RELN: variants seen among roughly 807,000 people sequenced by gnomAD.
RELN encodes the protein reelin.
RELN carries 108 observed loss-of-function variants against 427.6 expected under a neutral mutation model. The observed-to-expected ratio is 0.25, with a 90% confidence interval of 0.22 to 0.30. The LOEUF (loss-of-function observed/expected upper bound fraction) is 0.30. Among genes scored for constraint, RELN ranks in the 10% least tolerant of loss-of-function variants. The probability of loss-of-function intolerance (pLI) is 1.00; values close to 1 mark genes in which losing one functional copy is unlikely to be tolerated. For missense variants in RELN, 3,715 were observed against 4,302.8 expected (o/e 0.86, Z 3.82); for synonymous variants, 1,524 against 1,513.4 (o/e 1.01, Z -0.16).
chr7:103,831,312 G>C (rs1348880245), intron 3 of RELN, among the ~76,000 whole-genome samples: 1 of 152,056 alleles, frequency 6.6e-6, no homozygotes, highest in Non-Finnish European at 1.5e-5. Context: ...TAAGTTAAAG[G>C]TAATGACAAC....
At chr7:103,590,105 G>A (rs887826460) in intron 27 of RELN, among the ~76,000 whole-genome samples, 2 of 152,190 alleles carry the variant, frequency 1.3e-5, no homozygotes, top group South Asian at 4.1e-4. Context: ...TGTGGTTCTT[G>A]AGTCTCAGAC....
intron 17 of RELN, among the ~76,000 whole-genome samples, chr7:103,639,350 T>G (rs895168787): frequency 6.6e-6 from 1 of 152,008 alleles, no homozygotes; most frequent in Non-Finnish European, 1.5e-5. Context: ...CTAATCTCAA[T>G]GTCAACAAGC....
chr7:103,739,684 C>T (rs554350), intron 6 of RELN, among the ~76,000 whole-genome samples: 96,690 of 152,040 alleles, frequency 0.64, 31,659 homozygotes, highest in African/African-American at 0.81. Flanking sequence ...CTTCAAACTT[C>T]ACTTCTCATC....
At chr7:103,610,010 T>C (rs554961665) in intron 22 of RELN, among the ~76,000 whole-genome samples, 1 of 152,318 alleles carries the variant, frequency 6.6e-6, no homozygotes, top group South Asian at 2.1e-4. Flanking sequence ...AGAGCTATAC[T>C]GAGAATTCAG....
At chr7:103,636,773 G>A (rs1008851637) in intron 17 of RELN, among the ~76,000 whole-genome samples, 2 of 152,012 alleles carry the variant, frequency 1.3e-5, no homozygotes, top group African/African-American at 4.8e-5. Flanking sequence ...TCTGTAAAAG[G>A]TTTATGTATA....
chr7:103,622,698 C>T (rs1397598312), intron 20 of RELN, among the ~76,000 whole-genome samples: 1 of 152,150 alleles, frequency 6.6e-6, no homozygotes, highest in African/African-American at 2.4e-5. Context: ...TAATGCCTCC[C>T]AAGGGGGCTT....
intron 6 of RELN, among the ~76,000 whole-genome samples, chr7:103,744,801 AC>A (rs201899933): frequency 0.22 from 33,085 of 152,040 alleles, 4,751 homozygotes; most frequent in African/African-American, 0.41. Flanking sequence ...AAAGTCCAGG[AC>A]CAGATGGATT....
intron 23 of RELN, 61 bp downstream of exon 23, chr7:103,604,285 G>A: frequency 3.1e-6 from 5 of 1,600,850 alleles, no homozygotes; most frequent in Non-Finnish European, 4.3e-6. Flanking sequence ...AACTGCTGTG[G>A]TATCCTCCAG....
intron 20 of RELN, among the ~76,000 whole-genome samples, chr7:103,629,141 C>A (rs1584358108): frequency 6.6e-6 from 1 of 152,282 alleles, no homozygotes; most frequent in East Asian, 1.9e-4. Flanking sequence ...GTTATATCCA[C>A]CATGTGAACT....
chr7:103,563,421 A>T lies in RELN; in HGVS notation c.5211-1468T>A, dbSNP rs1201523501. Among the ~76,000 whole-genome samples the T allele has an allele frequency of 1.3e-5, 2 of 152,238 alleles. No homozygotes were observed. The highest frequency in any genetic ancestry group is 4.1e-4 in the South Asian group (2 of 4,838). On this transcript the variant is annotated intron_variant, in intron 34 of 64. Transcript: ENST00000428762. The surrounding 1 kb of genome is among the most constrained non-coding windows in gnomAD (Gnocchi z 4.1). ...TTTTCAAAGTTAAAGTTCTCAAAAT[A>T]TTAAAAGCTTACAGAATAACGATAG...
At chr7:103,634,705 T>C (rs1832539857) in intron 19 of RELN, among the ~76,000 whole-genome samples, 1 of 151,958 alleles carries the variant, frequency 6.6e-6, no homozygotes, top group Non-Finnish European at 1.5e-5. Context: ...TAAATCTTAA[T>C]AACATATTGG....
rs1369526712 is a variant in RELN, at chr7:103,640,392, T to G, written c.2069+151A>C. 4.1e-6 allele frequency: 3 copies of G among 731,466 alleles called. No individual in the cohort carries two copies. The highest frequency in any genetic ancestry group is 2.3e-5 in the Admixed American group (1 of 44,114). The allele number at this position is 731,466 out of a possible 1,614,324, so 45.3% of individuals were successfully genotyped here. ...TATTAATTTTCACTTAAAAATACATTTGAATTACACTTAAGTTCTAATAGA... is the reference window on the plus strand; with the variant it reads ...TATTAATTTTCACTTAAAAATACATGTGAATTACACTTAAGTTCTAATAGA... On this transcript the variant is annotated intron_variant, in intron 17 of 64. Coordinates refer to ENST00000428762, the MANE Select transcript of RELN (RefSeq NM_005045.4). This position sits in a 1 kb window ranked among gnomAD's most constrained non-coding sequence, Gnocchi z 4.1.
rs1249710285 is a variant in RELN at position 103,553,485 on chromosome 7, A to C, written c.6048T>G (p.Asn2016Lys). 6.2e-7 allele frequency: 1 copy of C among 1,613,576 alleles called. No individual in the cohort carries two copies. The highest frequency in any genetic ancestry group is 1.7e-5 in the Admixed American group (1 of 60,018). Residue 2016 changes from asparagine to lysine, a missense_variant, in exon 40 of 65, where the codon AAT becomes AAG. Transcript: ENST00000428762. ...CCTCAAATTGTATGATGGTGTTCTC[A>C]TTCACATTTAGGTCACGGGTGGTAA... ...HSITTRDLNV[N>K]ENTIIQFEIN... is the part of the protein sequence containing the mutation.
chr7:103,734,307 G>A (rs1187770848), intron 6 of RELN, among the ~76,000 whole-genome samples: 5 of 151,986 alleles, frequency 3.3e-5, no homozygotes, highest in African/African-American at 1.2e-4. Context: ...CTCAACCTAA[G>A]GATCAGAAAT....
intron 2 of RELN, among the ~76,000 whole-genome samples, chr7:103,885,842 T>C (rs1007713758): frequency 2.0e-5 from 3 of 152,200 alleles, no homozygotes; most frequent in Non-Finnish European, 4.4e-5. Flanking sequence ...ACAATTAAAA[T>C]GTTGCGTTGA....
intron 1 of RELN, among the ~76,000 whole-genome samples, chr7:103,974,075 G>A (rs752782056): frequency 9.2e-5 from 14 of 152,310 alleles, no homozygotes; most frequent in Non-Finnish European, 1.5e-4. Context: ...CCCAAAAGGT[G>A]GAGGTTGAGG....
intron 28 of RELN, 119 bp from the exon 29 acceptor site, chr7:103,575,824 G>T: frequency 9.1e-7 from 1 of 1,095,820 alleles, no homozygotes. Context: ...AGTCATGTCT[G>T]CTTGACTGCA....
chr7:103,536,355 G>A (rs1032929182), intron 45 of RELN, among the ~76,000 whole-genome samples: 6 of 152,044 alleles, frequency 3.9e-5, no homozygotes, highest in South Asian at 2.1e-4. Context: ...AGCTGCCTAC[G>A]TCCCTACCTC....
At chr7:103,643,425 T>C (rs1420233196) in intron 16 of RELN, among the ~76,000 whole-genome samples, 1 of 152,022 alleles carries the variant, frequency 6.6e-6, no homozygotes, top group East Asian at 1.9e-4. Flanking sequence ...TTCCCAAAAC[T>C]ACAGCTTCTG....
Sources: gnomAD v4.1 joint callset for allele counts (sites outside exome capture counted in the v4.1 genomes callset) on GRCh38, gnomAD v4.1.1 for gene constraint, Gnocchi (gnomAD v3.1) non-coding constraint, MANE v1.5 for transcripts, NCBI Gene and HGNC (gene_info 2026-07-23, HGNC 2026-07-21) for gene names.